PLPP4: variants seen among roughly 807,000 people sequenced by gnomAD.
The protein encoded by PLPP4 is diacylglycerol pyrophosphate like 2.
Under a neutral mutation model 32.2 loss-of-function variants are expected in PLPP4, and 20 were observed. The ratio of observed to expected loss-of-function variants is 0.62; its 90% CI spans 0.44 to 0.90. The LOEUF is 0.90. PLPP4 is among the 40% of genes least tolerant of loss of function. The pLI is 0.00. For synonymous variants in PLPP4, 127 were observed against 133.0 expected, an observed-to-expected ratio of 0.95 and a Z score of 0.31; for missense variants, 257 against 353.1, an observed-to-expected ratio of 0.73 and a Z score of 2.18.
At chr10:120,541,937 C>G (rs1251450743) in intron 5 of PLPP4, among the ~76,000 whole-genome samples, 1 of 152,164 alleles carries the variant, frequency 6.6e-6, no homozygotes, top group African/African-American at 2.4e-5. Context: ...CCACCATGCT[C>G]AGCTAATTTT....
intron 5 of PLPP4, among the ~76,000 whole-genome samples, chr10:120,559,127 G>A (rs553605980): frequency 6.6e-6 from 1 of 152,180 alleles, no homozygotes; most frequent in South Asian, 2.1e-4. Context: ...TTAGTTTAAT[G>A]GATCTTAGCT....
At chr10:120,573,591 G>C (rs985800672) in intron 5 of PLPP4, among the ~76,000 whole-genome samples, 1 of 152,168 alleles carries the variant, frequency 6.6e-6, no homozygotes, top group Non-Finnish European at 1.5e-5. Flanking sequence ...AAATGTCACA[G>C]CTTGGTTATC....
At chr10:120,509,609 C>T (rs1286387417) in intron 2 of PLPP4, among the ~76,000 whole-genome samples, 1 of 152,158 alleles carries the variant, frequency 6.6e-6, no homozygotes, top group Non-Finnish European at 1.5e-5. Flanking sequence ...GACTCCAACC[C>T]AGGAGCATGG....
At chr10:120,552,610 A>C (rs1847963086) in intron 5 of PLPP4, among the ~76,000 whole-genome samples, 1 of 152,212 alleles carries the variant, frequency 6.6e-6, no homozygotes, top group South Asian at 2.1e-4. Flanking sequence ...CCAGGAAAGC[A>C]ATCTGGCTGG....
At chr10:120,555,942 T>G (rs117658697) in intron 5 of PLPP4, among the ~76,000 whole-genome samples, 6,252 of 152,276 alleles carry the variant, frequency 0.041, 173 homozygotes, top group Non-Finnish European at 0.065. Context: ...ATTATAGGTG[T>G]GCTCACTCCC....
At chr10:120,577,532 C>T (rs1248286980) in intron 6 of PLPP4, among the ~76,000 whole-genome samples, 1 of 152,186 alleles carries the variant, frequency 6.6e-6, no homozygotes, top group East Asian at 1.9e-4. Flanking sequence ...GGCTTTGAAA[C>T]CGTACTATCC....
At position 120,591,482 on chromosome 10, in the gene PLPP4, A is replaced by G. The variant is rs952949196; in HGVS notation, c.*1980A>G. 1.3e-5 allele frequency among the ~76,000 whole-genome samples: 2 copies of G among 152,256 alleles called. No homozygotes were observed. Among genetic ancestry groups the G allele is most frequent in the East Asian group, 1.9e-4 (1 of 5,206 alleles). On this transcript the variant is annotated 3_prime_UTR_variant, in exon 7 of 7. Coordinates refer to ENST00000398250, the MANE Select transcript of PLPP4 (RefSeq NM_001030059.3). ...GATAAATCATAGCAATTGAAAAGACATAATTTTAAATTCTGAGCTAAAATT... is the reference window on the plus strand; with the variant it reads ...GATAAATCATAGCAATTGAAAAGACGTAATTTTAAATTCTGAGCTAAAATT...
chr10:120,568,731 A>T (rs1437787880), intron 5 of PLPP4, among the ~76,000 whole-genome samples: 3 of 152,188 alleles, frequency 2.0e-5, no homozygotes, highest in Admixed American at 1.3e-4. Context: ...TATGTTTCAG[A>T]TCATTGTGGC....
intron 1 of PLPP4, among the ~76,000 whole-genome samples, chr10:120,463,607 A>G (rs1848175322): frequency 6.6e-6 from 1 of 152,184 alleles, no homozygotes; most frequent in South Asian, 2.1e-4. Flanking sequence ...GCATACATGT[A>G]GTGTCTAAGA....
At chr10:120,567,668 CTGTT>C (rs138074549) in intron 5 of PLPP4, among the ~76,000 whole-genome samples, 6,780 of 151,726 alleles carry the variant, frequency 0.045, 240 homozygotes, top group South Asian at 0.2. Flanking sequence ...CATGTTGTTG[CTGTT>C]TGTTTGTTTG....
At position 120,547,074 on chromosome 10, in the gene PLPP4, A is replaced by G. The variant is rs777111046; in HGVS notation, c.445+25979A>G. Among the ~76,000 whole-genome samples, 76 of 152,106 alleles carry G rather than the reference A, an allele frequency of 5.0e-4. 1 individual carries two copies. The highest frequency in any genetic ancestry group is 5.9e-5 in the Non-Finnish European group (4 of 68,002). On this transcript the variant is annotated intron_variant, in intron 5 of 6. Coordinates refer to ENST00000398250, the MANE Select transcript of PLPP4 (RefSeq NM_001030059.3). ...TAGCATGTTCTTTTTTAAAAAATAG[A>G]TGTTCCTGAAATAGTTGTCTTTTTT... is the stretch of plus-strand genomic sequence containing the variant.
rs542508359 is a variant in PLPP4, at chr10:120,521,479, T to C, written c.445+384T>C. ...TTGCGTGTGTGTGTACACAAATATATAGCACATATGTATACATATATACAT... is the reference window on the plus strand; with the variant it reads ...TTGCGTGTGTGTGTACACAAATATACAGCACATATGTATACATATATACAT... On this transcript the variant is annotated intron_variant, in intron 5 of 6. Coordinates refer to ENST00000398250, the MANE Select transcript of PLPP4 (RefSeq NM_001030059.3). Among the ~76,000 whole-genome samples the C allele has an allele frequency of 1.2e-4, 19 of 152,324 alleles. No individual in the cohort carries two copies. The South Asian group carries it at 3.9e-3, about 32-fold the overall frequency.
chr10:120,553,418 A>G (rs1290431018), intron 5 of PLPP4, among the ~76,000 whole-genome samples: 4 of 152,210 alleles, frequency 2.6e-5, no homozygotes, highest in African/African-American at 4.8e-5. Context: ...ATGACACAGT[A>G]AGAAGGTACC....
chr10:120,497,620 T>G (rs1845031038), intron 1 of PLPP4, among the ~76,000 whole-genome samples: 1 of 152,226 alleles, frequency 6.6e-6, no homozygotes, highest in South Asian at 2.1e-4. Context: ...TTTTTTTTCT[T>G]GCCCTGTCTT....
intron 5 of PLPP4, among the ~76,000 whole-genome samples, chr10:120,559,205 C>G (rs886127021): frequency 1.3e-5 from 2 of 151,558 alleles, no homozygotes; most frequent in Admixed American, 6.6e-5. Context: ...TCACTTTTTT[C>G]TCATTAATTA....
intron 6 of PLPP4, 55 bp from the exon 7 acceptor site, chr10:120,589,248 G>T (rs1849905197): frequency 6.5e-7 from 1 of 1,534,164 alleles, no homozygotes; most frequent in Non-Finnish European, 9.0e-7. Flanking sequence ...AATATAATTG[G>T]CCACATTTGA....
intron 2 of PLPP4, among the ~76,000 whole-genome samples, chr10:120,507,298 T>A (rs997417028): frequency 6.6e-6 from 1 of 152,048 alleles, no homozygotes; most frequent in African/African-American, 2.4e-5. Context: ...AAATGGAATC[T>A]GAAAAGGGCC....
chr10:120,534,629 T>G (rs1452873308), intron 5 of PLPP4, among the ~76,000 whole-genome samples: 1 of 152,100 alleles, frequency 6.6e-6, no homozygotes, highest in Non-Finnish European at 1.5e-5. Flanking sequence ...GACTGTTTAT[T>G]TCTCTTCTTT....
rs776085902 is a variant in PLPP4, at chr10:120,518,935, C to A, written c.320+39C>A. 6 of 1,552,574 alleles carry A rather than the reference C, an allele frequency of 3.9e-6. No individual in the cohort carries two copies. The South Asian group carries it at 6.9e-5, about 18-fold the overall frequency. ...AGAATGAAATGGTGACTTAGACTATCAAGGTCATCTATATAGGAAGCTGGG... is the reference window on the plus strand; with the variant it reads ...AGAATGAAATGGTGACTTAGACTATAAAGGTCATCTATATAGGAAGCTGGG... On this transcript the variant is annotated intron_variant, in intron 4 of 6. Transcript: ENST00000398250.
Sources: allele counts gnomAD v4.1 joint callset (sites outside exome capture counted in the v4.1 genomes callset), GRCh38; gene constraint gnomAD v4.1.1; transcripts MANE v1.5; gene names NCBI Gene and HGNC (gene_info 2026-07-23, HGNC 2026-07-21).